RIMS2: variants seen among roughly 807,000 people sequenced by gnomAD.
RIMS2 encodes regulating synaptic membrane exocytosis 2.
In RIMS2, 59 loss-of-function variants were observed where a neutral mutation model predicts 174.4. That is an observed-to-expected ratio of 0.34 (90% CI 0.27 to 0.42). The LOEUF is 0.42. Ranked by LOEUF, RIMS2 falls within the 10% of genes least tolerant of loss-of-function variation. RIMS2 has a pLI of 1.00. For synonymous variants in RIMS2, 606 were observed against 572.5 expected (o/e 1.06, Z -0.84); for missense variants, 1,620 against 1,666.3 (o/e 0.97, Z 0.48).
intron 1 of RIMS2, among the ~76,000 whole-genome samples, chr8:103,581,141 A>G (rs2093597438): frequency 6.6e-6 from 1 of 152,100 alleles, no homozygotes; most frequent in Non-Finnish European, 1.5e-5. Flanking sequence ...TTTCAAACTC[A>G]TTCTACTAGG....
intron 3 of RIMS2, among the ~76,000 whole-genome samples, chr8:103,847,962 C>T (rs1043159837): frequency 6.6e-6 from 1 of 151,780 alleles, no homozygotes; most frequent in African/African-American, 2.4e-5. Flanking sequence ...TTTAATACCT[C>T]TTGTGTAGAT....
intron 19 of RIMS2, 60 bp from the exon 25 acceptor site, chr8:104,148,547 C>T (rs2133972756): frequency 6.9e-7 from 1 of 1,445,298 alleles, no homozygotes; most frequent in Non-Finnish European, 9.3e-7. Context: ...ATCTAAAATG[C>T]ATTTTCTGTC....
At chr8:103,949,223 A>G (rs2084709081) in intron 14 of RIMS2, among the ~76,000 whole-genome samples, 1 of 151,998 alleles carries the variant, frequency 6.6e-6, no homozygotes, top group African/African-American at 2.4e-5. Context: ...ATAAAACTAC[A>G]GAATAGATAC....
intron 19 of RIMS2, among the ~76,000 whole-genome samples, chr8:104,205,617 G>A (rs997305338): frequency 4.2e-4 from 64 of 151,912 alleles, no homozygotes; most frequent in African/African-American, 1.5e-3. Flanking sequence ...TGTGTTTTTA[G>A]GTCTACCTAT....
chr8:103,638,046 G>A (rs2096129507), intron 1 of RIMS2, among the ~76,000 whole-genome samples: 1 of 152,016 alleles, frequency 6.6e-6, no homozygotes, highest in South Asian at 2.1e-4. Flanking sequence ...TACCACAGTG[G>A]TATCACATCA....
intron 19 of RIMS2, among the ~76,000 whole-genome samples, chr8:104,150,802 A>C (rs924817225): frequency 6.6e-6 from 1 of 152,208 alleles, no homozygotes; most frequent in Non-Finnish European, 1.5e-5. Flanking sequence ...GGTTCTCAGT[A>C]GAGGATTGAT....
In RIMS2 at chr8:103,788,600, GA is replaced by G. The variant is rs542303346; in HGVS notation, c.698+22064del. 1.2e-4 allele frequency among the ~76,000 whole-genome samples: 18 copies of G among 152,074 alleles called. No homozygotes were observed. The South Asian group carries it at 3.7e-3, about 32-fold the overall frequency. The stretch of plus-strand genomic sequence containing the variant: ...GGCTGCTCGGGGGTCAGGGGTCAGG[GA>G]CCCACTCGAGGAGACAGTTTGCCCG... On this transcript the variant is annotated intron_variant, in intron 3 of 23. Transcript: ENST00000504942.
chr8:103,651,017 T>C (rs928621799), intron 1 of RIMS2, among the ~76,000 whole-genome samples: 9 of 152,198 alleles, frequency 5.9e-5, no homozygotes, highest in African/African-American at 2.2e-4. Context: ...GGGGCCAAAG[T>C]ATGCAAAACT....
chr8:104,067,100 A>G (rs1200562006), intron 19 of RIMS2, among the ~76,000 whole-genome samples: 1 of 152,148 alleles, frequency 6.6e-6, no homozygotes, highest in South Asian at 2.1e-4. Flanking sequence ...TTTTCCTTTA[A>G]TCCATTTTAA....
At chr8:103,826,848 CTTT>C in intron 3 of RIMS2, among the ~76,000 whole-genome samples, 1 of 143,828 alleles carries the variant, frequency 7.0e-6, no homozygotes, top group Non-Finnish European at 1.5e-5. Flanking sequence ...AGAGACAAAA[CTTT>C]TTTTTTTTTG....
chr8:104,066,599 C>G (rs950510042), intron 19 of RIMS2, among the ~76,000 whole-genome samples: 1 of 152,016 alleles, frequency 6.6e-6, no homozygotes, highest in African/African-American at 2.4e-5. Context: ...CAAAGAATTC[C>G]AAAGTTGTAT....
intron 2 of RIMS2, among the ~76,000 whole-genome samples, chr8:103,756,983 G>C (rs899979238): frequency 2.1e-5 from 2 of 94,238 alleles, no homozygotes; most frequent in Non-Finnish European, 4.7e-5. Context: ...GTGTGTCTGT[G>C]TGTGTGTGTG....
At chr8:103,543,036 G>T (rs1843244437) in intron 1 of RIMS2, among the ~76,000 whole-genome samples, 1 of 152,132 alleles carries the variant, frequency 6.6e-6, no homozygotes, top group Non-Finnish European at 1.5e-5. Flanking sequence ...TTAGGCAAAA[G>T]AATGAAATAA....
intron 1 of RIMS2, among the ~76,000 whole-genome samples, chr8:103,635,564 C>T (rs895348001): frequency 2.6e-5 from 4 of 152,320 alleles, no homozygotes; most frequent in East Asian, 1.9e-4. Context: ...TGTGAAACAG[C>T]GAAGGTAACA....
intron 15 of RIMS2, among the ~76,000 whole-genome samples, chr8:103,974,671 T>C (rs2093255940): frequency 6.6e-6 from 1 of 152,202 alleles, no homozygotes; most frequent in South Asian, 2.1e-4. Context: ...GTTGTTACTC[T>C]CTTCTGATTT....
chr8:103,717,136 T>G (rs1284541068), intron 2 of RIMS2, among the ~76,000 whole-genome samples: 1 of 112,528 alleles, frequency 8.9e-6, no homozygotes, highest in African/African-American at 3.4e-5. Context: ...AAATAGTGCC[T>G]TCTTTTTTTT....
intron 3 of RIMS2, among the ~76,000 whole-genome samples, chr8:103,772,743 G>A (rs1228173721): frequency 1.3e-5 from 2 of 152,044 alleles, no homozygotes; most frequent in Non-Finnish European, 2.9e-5. Flanking sequence ...TGTGGCATTG[G>A]CATAAAGACA....
At chr8:103,855,675 G>A (rs1455714867) in intron 3 of RIMS2, among the ~76,000 whole-genome samples, 1 of 151,922 alleles carries the variant, frequency 6.6e-6, no homozygotes, top group South Asian at 2.1e-4. Context: ...TTTTTGAGAG[G>A]TCATCTTGAT....
At chr8:104,111,411 C>T (rs62508071) in intron 19 of RIMS2, among the ~76,000 whole-genome samples, 35,690 of 151,782 alleles carry the variant, frequency 0.24, 4,490 homozygotes, top group African/African-American at 0.33. Context: ...TCTTTTTGTG[C>T]GTTTGTTTGT....
Sources: allele counts gnomAD v4.1 joint callset (sites outside exome capture counted in the v4.1 genomes callset), GRCh38; gene constraint gnomAD v4.1.1; transcripts MANE v1.5; gene names NCBI Gene and HGNC (gene_info 2026-07-23, HGNC 2026-07-21).